Variants in LTAP1 observed in about 807,000 individuals in gnomAD.
The protein encoded by LTAP1 is HCV NS5A-transactivated protein 4.
the LTAP1 span, chr1:154,212,369 G>T: frequency 6.2e-7 from 1 of 1,614,088 alleles, no homozygotes; most frequent in Admixed American, 1.7e-5. Flanking sequence ...TACTCATTCT[G>T]GCCAAAGACC....
the LTAP1 span, chr1:154,214,390 C>A: frequency 9.3e-7 from 1 of 1,074,384 alleles, no homozygotes; most frequent in Non-Finnish European, 1.4e-6. Flanking sequence ...TTTGACAACT[C>A]TGAGAGAAAA....
chr1:154,220,141 G>T, the LTAP1 span: 1 of 741,450 alleles, frequency 1.3e-6, no homozygotes, highest in Non-Finnish European at 2.2e-6. Flanking sequence ...GTGCTCTAGC[G>T]TTAAAGGGAG....
At chr1:154,220,408 G>A in the LTAP1 span, 7 of 1,614,226 alleles carry the variant, frequency 4.3e-6, no homozygotes, top group Non-Finnish European at 5.9e-6. Flanking sequence ...CGGACGCCAT[G>A]GCCTCCCTAC....
the LTAP1 span, chr1:154,220,140 C>T: frequency 1.4e-6 from 1 of 736,476 alleles, no homozygotes; most frequent in Non-Finnish European, 2.3e-6. Context: ...TGTGCTCTAG[C>T]GTTAAAGGGA....
chr1:154,218,991 G>A, the LTAP1 span, among the ~76,000 whole-genome samples: 1 of 152,176 alleles, frequency 6.6e-6, no homozygotes, highest in South Asian at 2.1e-4. Context: ...GACCATTCCA[G>A]ATCACAGGAG....
the LTAP1 span, among the ~76,000 whole-genome samples, chr1:154,217,426 T>G: frequency 6.6e-6 from 1 of 152,230 alleles, no homozygotes; most frequent in Non-Finnish European, 1.5e-5. Flanking sequence ...GGCAACATGA[T>G]GTACTCTTTT....
At chr1:154,213,829 C>A in the LTAP1 span, 2 of 1,354,642 alleles carry the variant, frequency 1.5e-6, no homozygotes, top group East Asian at 2.3e-5. Flanking sequence ...AAAGTGGGTT[C>A]ATTACTCTGT....
At chr1:154,211,058 G>T in the LTAP1 span, among the ~76,000 whole-genome samples, 3 of 151,724 alleles carry the variant, frequency 2.0e-5, no homozygotes, top group South Asian at 6.2e-4. Context: ...CCCAGCTGAA[G>T]TGCAATGGCA....
At chr1:154,220,252 G>A in the LTAP1 span, 3 of 1,463,872 alleles carry the variant, frequency 2.0e-6, no homozygotes, top group Non-Finnish European at 2.9e-6. Context: ...CAGGTGAGTG[G>A]GTGGAGAATG....
At chr1:154,209,934 C>T in the LTAP1 span, among the ~76,000 whole-genome samples, 1 of 151,574 alleles carries the variant, frequency 6.6e-6, no homozygotes, top group Admixed American at 6.6e-5. Context: ...CTATGATGCC[C>T]AGGTTGGTCT....
At chr1:154,214,394 G>T in the LTAP1 span, 1 of 1,110,466 alleles carries the variant, frequency 9.0e-7, no homozygotes, top group Non-Finnish European at 1.4e-6. Context: ...ACAACTCTGA[G>T]AGAAAAGGAA....
At chr1:154,220,087 T>C in the LTAP1 span, 1 of 753,720 alleles carries the variant, frequency 1.3e-6, no homozygotes, top group Non-Finnish European at 2.2e-6. Flanking sequence ...GCCGTTATGA[T>C]GGGGGTGGAT....
chr1:154,207,637 C>T, the LTAP1 span: 113 of 1,604,820 alleles, frequency 7.0e-5, no homozygotes, highest in Non-Finnish European at 9.3e-5. Context: ...GCTCCCAATT[C>T]GTGCTTTAAC....
chr1:154,218,976 T>G, the LTAP1 span, among the ~76,000 whole-genome samples: 4 of 152,318 alleles, frequency 2.6e-5, no homozygotes, highest in East Asian at 7.7e-4. Context: ...AGCTAGCCAA[T>G]TGAAGACCAT....
At chr1:154,217,099 G>A in the LTAP1 span, among the ~76,000 whole-genome samples, 11 of 151,268 alleles carry the variant, frequency 7.3e-5, no homozygotes, top group East Asian at 9.8e-4. Context: ...GGCACACACC[G>A]CCACGCCCAG....
the LTAP1 span, among the ~76,000 whole-genome samples, chr1:154,216,123 C>A: frequency 1.3e-5 from 2 of 152,128 alleles, no homozygotes; most frequent in Non-Finnish European, 1.5e-5. Context: ...AGGCGTGAGC[C>A]ACCGCGCCCG....
chr1:154,213,964 G>A, the LTAP1 span: 1 of 1,609,634 alleles, frequency 6.2e-7, no homozygotes. Context: ...GGAAAAGACT[G>A]GTGTTAGGCA....
At chr1:154,211,592 C>T in the LTAP1 span, 1 of 152,022 alleles carries the variant, frequency 6.6e-6, no homozygotes, top group East Asian at 1.9e-4. Context: ...GCCTCGGCCT[C>T]CCAAAGTGCT....
At chr1:154,212,181 C>T in the LTAP1 span, 1 of 937,106 alleles carries the variant, frequency 1.1e-6, no homozygotes, top group Non-Finnish European at 1.7e-6. Context: ...ATGTAAGAGA[C>T]TGATCTAATA....
Sources: allele counts gnomAD v4.1 joint callset (sites outside exome capture counted in the v4.1 genomes callset), GRCh38; gene constraint gnomAD v4.1.1; transcripts MANE v1.5; gene names NCBI Gene and HGNC (gene_info 2026-07-23, HGNC 2026-07-21).